The following PALM2AKAP2 variants were observed in gnomAD, a reference collection of about 807,000 sequenced individuals.
The protein encoded by PALM2AKAP2 is PALM2-AKAP2 fusion protein.
A neutral mutation model predicts 71.5 loss-of-function variants in PALM2AKAP2; 37 were observed. The observed-to-expected ratio is 0.52, with a 90% CI of 0.40 to 0.68. PALM2AKAP2 has a LOEUF of 0.68. PALM2AKAP2 is among the 30% of genes least tolerant of loss of function. The pLI, the probability that PALM2AKAP2 is intolerant of heterozygous loss-of-function variation, is 0.00. For missense variants in PALM2AKAP2, 1,224 were observed against 1,191.8 expected (o/e 1.03, Z -0.40); for synonymous variants, 468 against 478.8 (o/e 0.98, Z 0.29).
intron 1 of PALM2AKAP2, among the ~76,000 whole-genome samples, chr9:109,784,628 G>A (rs562593759): frequency 6.6e-6 from 1 of 152,326 alleles, no homozygotes; most frequent in South Asian, 2.1e-4. Flanking sequence ...TATGAGGTAG[G>A]CACTACAGTA....
intron 6 of PALM2AKAP2, chr9:109,945,715 G>A (rs1334421599): frequency 6.6e-6 from 1 of 152,186 alleles, no homozygotes; most frequent in Non-Finnish European, 1.5e-5. Flanking sequence ...GAGTGAAATG[G>A]TAGAATGTAG....
At chr9:109,867,360 A>C in intron 1 of PALM2AKAP2, 131 bp from the exon 2 acceptor site, 1 of 1,000,056 alleles carries the variant, frequency 1.0e-6, no homozygotes, top group Non-Finnish European at 1.5e-6. Flanking sequence ...GGCAGGTGAC[A>C]CTGCGTGTGT....
intron 3 of PALM2AKAP2, among the ~76,000 whole-genome samples, chr9:109,914,323 T>G (rs1420224616): frequency 2.6e-5 from 4 of 152,348 alleles, no homozygotes; most frequent in Non-Finnish European, 5.9e-5. Context: ...GGAGCTGACA[T>G]ATAGCACTTT....
intron 1 of PALM2AKAP2, among the ~76,000 whole-genome samples, chr9:109,864,817 T>TAATG (rs1829405842): frequency 6.6e-6 from 1 of 152,170 alleles, no homozygotes; most frequent in Non-Finnish European, 1.5e-5. Flanking sequence ...AGATTAATGT[T>TAATG]CCTAAAATGC....
At chr9:109,720,444 G>T (rs900728830) in intron 1 of PALM2AKAP2, among the ~76,000 whole-genome samples, 1 of 152,242 alleles carries the variant, frequency 6.6e-6, no homozygotes, top group Non-Finnish European at 1.5e-5. Flanking sequence ...ACTATTGGTA[G>T]ATCCTCAGAG....
chr9:109,880,488 A>T, intron 2 of PALM2AKAP2, 63 bp from the exon 3 acceptor site: 2 of 1,585,768 alleles, frequency 1.3e-6, no homozygotes, highest in South Asian at 2.3e-5. Context: ...ACCACTGCAG[A>T]GGGAGAGGAC....
At chr9:109,935,702 A>G (rs1831203683) in intron 6 of PALM2AKAP2, among the ~76,000 whole-genome samples, 1 of 152,176 alleles carries the variant, frequency 6.6e-6, no homozygotes, top group African/African-American at 2.4e-5. Context: ...CCTCATTCTC[A>G]TTTTTGAAAA....
At chr9:110,071,180 A>G (rs1834201456) in intron 1 of PALM2AKAP2, among the ~76,000 whole-genome samples, 1 of 151,498 alleles carries the variant, frequency 6.6e-6, no homozygotes, top group African/African-American at 2.4e-5. Flanking sequence ...AAAAAAAAGA[A>G]TTGGTAGAAC....
chr9:110,070,820 T>C (rs889464906), intron 1 of PALM2AKAP2, among the ~76,000 whole-genome samples: 4 of 152,138 alleles, frequency 2.6e-5, no homozygotes, highest in Admixed American at 2.0e-4. Flanking sequence ...TGCATTTCTG[T>C]TTTTTTCGTC....
At chr9:110,030,454 C>T (rs968029133) in intron 7 of PALM2AKAP2, among the ~76,000 whole-genome samples, 4 of 152,314 alleles carry the variant, frequency 2.6e-5, no homozygotes, top group South Asian at 4.1e-4. Flanking sequence ...AGAACCATTT[C>T]ATCCTGTGCG....
intron 1 of PALM2AKAP2, among the ~76,000 whole-genome samples, chr9:109,858,623 G>A (rs1191907979): frequency 6.6e-6 from 1 of 152,180 alleles, no homozygotes; most frequent in Non-Finnish European, 1.5e-5. Flanking sequence ...GGAGAGGGAT[G>A]AGATGGAGAT....
chr9:109,670,244 T>C (rs547677262), intron 1 of PALM2AKAP2, among the ~76,000 whole-genome samples: 8 of 152,236 alleles, frequency 5.3e-5, no homozygotes, highest in South Asian at 2.1e-4. Context: ...CCATTAGTTG[T>C]TTTTCCTGAT....
At chr9:109,661,432 A>T (rs568483876) in intron 1 of PALM2AKAP2, among the ~76,000 whole-genome samples, 2 of 152,122 alleles carry the variant, frequency 1.3e-5, no homozygotes, top group Non-Finnish European at 2.9e-5. Flanking sequence ...TCCTTTCCCC[A>T]TTGCTTGTTT....
intron 1 of PALM2AKAP2, among the ~76,000 whole-genome samples, chr9:109,853,116 C>G (rs1197298728): frequency 6.6e-6 from 1 of 152,078 alleles, no homozygotes; most frequent in African/African-American, 2.4e-5. Flanking sequence ...GTTACCTAAC[C>G]TCTCTCAGCC....
At chr9:109,805,144 C>T (rs1393291325) in intron 1 of PALM2AKAP2, among the ~76,000 whole-genome samples, 1 of 152,092 alleles carries the variant, frequency 6.6e-6, no homozygotes, top group East Asian at 1.9e-4. Flanking sequence ...TTGTTTTTTT[C>T]ATGGAAGAAG....
chr9:110,108,550 C>G (rs1835170139), intron 1 of PALM2AKAP2, among the ~76,000 whole-genome samples: 1 of 152,142 alleles, frequency 6.6e-6, no homozygotes, highest in Non-Finnish European at 1.5e-5. Flanking sequence ...GCCTACCACT[C>G]TTTTTTCTCC....
intron 6 of PALM2AKAP2, among the ~76,000 whole-genome samples, chr9:109,939,251 C>T (rs753425661): frequency 6.6e-6 from 1 of 152,158 alleles, no homozygotes; most frequent in Non-Finnish European, 1.5e-5. Context: ...ATATACTTAA[C>T]CTTTCCAGCA....
chr9:109,786,558 A>G (rs761337399), intron 1 of PALM2AKAP2, among the ~76,000 whole-genome samples: 2 of 152,198 alleles, frequency 1.3e-5, no homozygotes, highest in Non-Finnish European at 2.9e-5. Flanking sequence ...GGTGCTGAGG[A>G]AGGGTTCAAC....
chr9:109,954,658 T>TAAAAAAA (rs56743395), intron 6 of PALM2AKAP2, among the ~76,000 whole-genome samples: 29 of 107,876 alleles, frequency 2.7e-4, no homozygotes, highest in African/African-American at 7.7e-4. Context: ...TAAAGTATAA[T>TAAAAAAA]AAAAAAAAAA....
Sources: allele counts gnomAD v4.1 joint callset (sites outside exome capture counted in the v4.1 genomes callset), GRCh38; gene constraint gnomAD v4.1.1; transcripts MANE v1.5; gene names NCBI Gene and HGNC (gene_info 2026-07-23, HGNC 2026-07-21).